Variants in TTC28 observed in about 807,000 individuals in gnomAD.
TTC28 encodes tetratricopeptide repeat protein 28.
TTC28 carries 61 observed loss-of-function variants against 198.0 expected under a neutral mutation model. The observed-to-expected ratio is 0.31, with a 90% CI of 0.25 to 0.38. TTC28 has a LOEUF of 0.38. Among genes scored for constraint, TTC28 ranks in the 10% least tolerant of loss-of-function variants. TTC28 has a pLI of 1.00. For missense variants in TTC28, 2,678 were observed against 3,164.0 expected, an observed-to-expected ratio of 0.85 and a Z score of 3.69; for synonymous variants, 1,171 against 1,297.8, an observed-to-expected ratio of 0.90 and a Z score of 2.10.
intron 2 of TTC28, among the ~76,000 whole-genome samples, chr22:28,309,448 C>G (rs1012600907): frequency 6.6e-6 from 1 of 152,154 alleles, no homozygotes; most frequent in African/African-American, 2.4e-5. Flanking sequence ...AACAGCCACC[C>G]ATAGGCTTGC....
At chr22:28,196,287 C>T (rs907357982) in intron 5 of TTC28, among the ~76,000 whole-genome samples, 1 of 152,040 alleles carries the variant, frequency 6.6e-6, no homozygotes, top group Non-Finnish European at 1.5e-5. Context: ...AAAATTAATT[C>T]AAGATGGGAT....
At chr22:28,128,995 G>A (rs1306868602) in intron 6 of TTC28, among the ~76,000 whole-genome samples, 2 of 152,332 alleles carry the variant, frequency 1.3e-5, no homozygotes, top group African/African-American at 4.8e-5. Flanking sequence ...TGCTCATAAA[G>A]ATTGCAAAAG....
intron 2 of TTC28, among the ~76,000 whole-genome samples, chr22:28,382,029 T>C (rs2046505174): frequency 1.3e-5 from 2 of 152,082 alleles, no homozygotes; most frequent in Admixed American, 1.3e-4. Flanking sequence ...AACATTCAGA[T>C]TTACAACTAA....
At chr22:28,027,066 A>G (rs77461433) in intron 13 of TTC28, among the ~76,000 whole-genome samples, 1,596 of 152,288 alleles carry the variant, frequency 0.01, 31 homozygotes, top group African/African-American at 0.036. Context: ...ACCCAGGTCC[A>G]GTCACATACA....
chr22:28,351,987 T>A (rs2046003463), intron 2 of TTC28, among the ~76,000 whole-genome samples: 1 of 152,186 alleles, frequency 6.6e-6, no homozygotes, highest in South Asian at 2.1e-4. Context: ...TTGAATACTC[T>A]GCTGTGTGTT....
chr22:28,578,134 TA>T (rs1045570654), intron 2 of TTC28, among the ~76,000 whole-genome samples: 10 of 152,222 alleles, frequency 6.6e-5, no homozygotes, highest in African/African-American at 2.2e-4. Flanking sequence ...ATCTACTGTA[TA>T]TTTTTTTATT....
At chr22:28,388,526 A>C (rs1007978600) in intron 2 of TTC28, among the ~76,000 whole-genome samples, 1 of 152,142 alleles carries the variant, frequency 6.6e-6, no homozygotes, top group Non-Finnish European at 1.5e-5. Context: ...TTCCTTGAGC[A>C]GTGGTTTGTA....
At chr22:28,076,930 A>G (rs1941187740) in intron 12 of TTC28, among the ~76,000 whole-genome samples, 1 of 152,084 alleles carries the variant, frequency 6.6e-6, no homozygotes, top group African/African-American at 2.4e-5. Context: ...TGTCCTTTCT[A>G]TACAGGTTTT....
At chr22:28,159,375 GC>G (rs1307522981) in intron 6 of TTC28, among the ~76,000 whole-genome samples, 1 of 152,134 alleles carries the variant, frequency 6.6e-6, no homozygotes, top group Non-Finnish European at 1.5e-5. Context: ...AGAGCTACCG[GC>G]CGGGCATGGT....
At chr22:28,493,680 A>C (rs2048409715) in intron 2 of TTC28, among the ~76,000 whole-genome samples, 1 of 152,238 alleles carries the variant, frequency 6.6e-6, no homozygotes, top group Non-Finnish European at 1.5e-5. Flanking sequence ...TCATGATAGA[A>C]GTACAACAAT....
At chr22:28,224,595 A>G (rs1019993799) in intron 5 of TTC28, among the ~76,000 whole-genome samples, 2 of 152,194 alleles carry the variant, frequency 1.3e-5, no homozygotes, top group African/African-American at 4.8e-5. Flanking sequence ...AAACTGATAT[A>G]GGGCTAGGTC....
At chr22:28,389,635 T>TG in intron 2 of TTC28, among the ~76,000 whole-genome samples, 1 of 151,016 alleles carries the variant, frequency 6.6e-6, no homozygotes, top group African/African-American at 2.4e-5. Flanking sequence ...TGCGTAGAGG[T>TG]GTTTGTAGTA....
chr22:28,582,195 C>T (rs1304223034), intron 2 of TTC28, among the ~76,000 whole-genome samples: 2 of 151,856 alleles, frequency 1.3e-5, no homozygotes, highest in Non-Finnish European at 2.9e-5. Context: ...CTTAGAATGC[C>T]TTAAATATTG....
At chr22:28,397,457 T>A (rs2046835871) in intron 2 of TTC28, among the ~76,000 whole-genome samples, 1 of 152,196 alleles carries the variant, frequency 6.6e-6, no homozygotes, top group Admixed American at 6.5e-5. Context: ...AATGAAACCA[T>A]ACATAATGTT....
chr22:28,546,763 G>A (rs775905832), intron 2 of TTC28, among the ~76,000 whole-genome samples: 2 of 152,022 alleles, frequency 1.3e-5, no homozygotes, highest in African/African-American at 2.4e-5. Context: ...AATATATCTA[G>A]AATACCACAA....
intron 5 of TTC28, among the ~76,000 whole-genome samples, chr22:28,290,613 T>A (rs535523244): frequency 2.0e-5 from 3 of 152,260 alleles, no homozygotes; most frequent in Admixed American, 6.5e-5. Flanking sequence ...ACTATTTTTT[T>A]AAAAAATCAC....
rs1014444449 is a variant in TTC28, at chr22:28,354,955, C to T, written c.382-48312G>A. Among the ~76,000 whole-genome samples, 7 of 147,830 alleles carry T rather than the reference C, an allele frequency of 4.7e-5. No homozygotes were observed. The South Asian group carries it at 6.7e-4, about 14-fold the overall frequency. ...GTCATCTAGCATTAGGTATATCTCC[C>T]GATGCTATCCCTCCCCCCTCCCCCC... On this transcript the variant is annotated intron_variant, in intron 2 of 22. Transcript: ENST00000397906.
intron 5 of TTC28, among the ~76,000 whole-genome samples, chr22:28,203,182 A>G (rs537802980): frequency 1.3e-5 from 2 of 152,266 alleles, no homozygotes; most frequent in Non-Finnish European, 1.5e-5. Flanking sequence ...CTTTAGAGTC[A>G]GTCAGAAATT....
At chr22:27,998,477 CG>C in intron 16 of TTC28, 62 bp downstream of exon 16, 2 of 1,492,434 alleles carry the variant, frequency 1.3e-6, no homozygotes, top group Non-Finnish European at 8.9e-7. Flanking sequence ...AGAATAAAGT[CG>C]GGGGGCTGTG....
Sources: allele counts gnomAD v4.1 joint callset (sites outside exome capture counted in the v4.1 genomes callset), GRCh38; gene constraint gnomAD v4.1.1; transcripts MANE v1.5; gene names NCBI Gene and HGNC (gene_info 2026-07-23, HGNC 2026-07-21).